DENND2B: variants seen among roughly 807,000 people sequenced by gnomAD.
DENND2B encodes DENN domain-containing protein 2B.
In DENND2B, 32 loss-of-function variants were observed where a neutral mutation model predicts 116.0. That is an observed-to-expected ratio of 0.28 (90% CI 0.21 to 0.37). The LOEUF is 0.37. DENND2B is among the 10% of genes least tolerant of loss of function. The pLI is 1.00. For missense variants in DENND2B, 1,276 were observed against 1,477.7 expected, an observed-to-expected ratio of 0.86 and a Z score of 2.24; for synonymous variants, 588 against 583.9, an observed-to-expected ratio of 1.01 and a Z score of -0.10.
intron 4 of DENND2B, chr11:8,718,332 T>C (rs1351602986): frequency 6.6e-7 from 1 of 1,524,782 alleles, no homozygotes; most frequent in East Asian, 2.4e-5. Flanking sequence ...TTCACCCAAC[T>C]CTCAGGGGAT....
At chr11:8,834,776 G>A (rs939506768) in intron 4 of DENND2B, among the ~76,000 whole-genome samples, 1 of 152,128 alleles carries the variant, frequency 6.6e-6, no homozygotes, top group African/African-American at 2.4e-5. Flanking sequence ...TCAGGCAGTC[G>A]CCCTTTATAG....
At chr11:8,711,997 G>A (rs1428851291) in intron 9 of DENND2B, 2 of 455,774 alleles carry the variant, frequency 4.4e-6, no homozygotes, top group African/African-American at 4.0e-5. Flanking sequence ...GAAATGAGAA[G>A]GAGCCAGCAG....
chr11:8,693,850 G>A lies in DENND2B; in HGVS notation c.*246C>T, dbSNP rs2039838544. On this transcript the variant is annotated 3_prime_UTR_variant, in exon 20 of 20. Transcript: ENST00000313726. ...CTCTGGCAGGACAGGAAAGCACCCG[G>A]CCCCTTGGGAATATACAAATATTTG... is the stretch of plus-strand genomic sequence containing the variant. 1 of 424,360 alleles carries A rather than the reference G, an allele frequency of 2.4e-6. No homozygotes were observed. Among genetic ancestry groups the A allele is most frequent in the South Asian group, 3.8e-5 (1 of 26,032 alleles). The allele number at this position is 424,360 out of a possible 1,614,324, so 26.3% of individuals were successfully genotyped here.
chr11:8,882,660 A>C (rs554562734), intron 1 of DENND2B, among the ~76,000 whole-genome samples: 4 of 152,370 alleles, frequency 2.6e-5, no homozygotes, highest in African/African-American at 9.6e-5. Flanking sequence ...GTAAGTTTCA[A>C]AATGCATCTA....
At chr11:8,871,644 A>G (rs984211934), upstream of DENND2B, among the ~76,000 whole-genome samples, 2 of 152,216 alleles carry the variant, frequency 1.3e-5, no homozygotes, top group African/African-American at 4.8e-5. Context: ...GTACTGCAGC[A>G]GCAGCAGAAC....
chr11:8,801,232 T>C (rs1044223126), intron 1 of DENND2B, among the ~76,000 whole-genome samples: 2 of 151,954 alleles, frequency 1.3e-5, no homozygotes, highest in African/African-American at 4.8e-5. Context: ...TATAATTTCT[T>C]TACAAAAGCA....
At chr11:8,804,544 C>CTT (rs1555200406) in intron 1 of DENND2B, among the ~76,000 whole-genome samples, 1 of 25,340 alleles carries the variant, frequency 3.9e-5, no homozygotes. Flanking sequence ...ATAGCAGCTA[C>CTT]TTCTTTTTTT....
intron 1 of DENND2B, chr11:8,757,011 A>C (rs1255493575): frequency 4.4e-6 from 2 of 456,128 alleles, no homozygotes; most frequent in Admixed American, 2.4e-5. Flanking sequence ...CTATCTGAAG[A>C]GTAACAATCC....
chr11:8,712,689 G>A lies in DENND2B; in HGVS notation c.2034C>T (p.Ala678=). ...LVHIQSMLKR[A]PSYRTLELEL... ...CCAGCTCCAGCGTGCGATAGCTGGGGGCGCGCTTCAGCATCGACTGGATGT... is the reference window on the plus strand; with the variant it reads ...CCAGCTCCAGCGTGCGATAGCTGGGAGCGCGCTTCAGCATCGACTGGATGT... Residue 678 remains alanine, a synonymous_variant, in exon 9 of 20, where the codon GCC becomes GCT. Transcript: ENST00000313726. This position sits in a 1 kb window ranked among gnomAD's most constrained non-coding sequence, Gnocchi z 4.4. 1 of 1,611,988 alleles carries A rather than the reference G, an allele frequency of 6.2e-7. No homozygotes were observed. Among genetic ancestry groups the A allele is most frequent in the Non-Finnish European group, 8.5e-7 (1 of 1,179,350 alleles).
At position 8,828,355 on chromosome 11, in the gene DENND2B, G is replaced by A. The variant is rs567561197; in HGVS notation, c.-115+10955C>T. On this transcript the variant is annotated intron_variant, in intron 4 of 6. Transcript: ENST00000524757. ...AGGCTGCACCAAAATTCATTCAGGA[G>A]CCCAGCCCTGGGCAAAGCAAAGCCT... Among the ~76,000 whole-genome samples, 164 of 152,236 alleles carry A rather than the reference G, an allele frequency of 1.1e-3. 1 individual carries two copies. The highest frequency in any genetic ancestry group is 2.0e-3 in the Admixed American group (31 of 15,294).
intron 1 of DENND2B, chr11:8,776,558 T>C: frequency 3.7e-6 from 1 of 267,906 alleles, no homozygotes; most frequent in Admixed American, 4.9e-5. Flanking sequence ...CGCAGGCAGC[T>C]TGCTGTGCCA....
intron 1 of DENND2B, chr11:8,776,372 T>C: frequency 5.1e-6 from 2 of 395,388 alleles, no homozygotes; most frequent in Non-Finnish European, 1.0e-5. Context: ...TGAGAAGCCA[T>C]TCAATCCACA....
chr11:8,833,179 T>C (rs997754333), intron 4 of DENND2B, among the ~76,000 whole-genome samples: 6 of 152,118 alleles, frequency 3.9e-5, no homozygotes, highest in African/African-American at 9.7e-5. Context: ...GTCATAAGGC[T>C]TTTTTTAGTC....
At chr11:8,708,952 C>CAA (rs10569712) in intron 11 of DENND2B, among the ~76,000 whole-genome samples, 2 of 136,488 alleles carry the variant, frequency 1.5e-5, no homozygotes, top group Admixed American at 7.2e-5. Context: ...AACTCTGTCT[C>CAA]AAAAAAAAAA....
At chr11:8,888,127 GT>G (rs1440879351) in intron 1 of DENND2B, among the ~76,000 whole-genome samples, 1 of 152,178 alleles carries the variant, frequency 6.6e-6, no homozygotes, top group African/African-American at 2.4e-5. Context: ...TCTATTGAAG[GT>G]TTGTGACTTC....
At chr11:8,782,942 T>C (rs1565939577) in intron 1 of DENND2B, among the ~76,000 whole-genome samples, 1 of 151,820 alleles carries the variant, frequency 6.6e-6, no homozygotes, top group Non-Finnish European at 1.5e-5. Context: ...TTACATAGCT[T>C]TCGAACCAGT....
At chr11:8,890,900 G>C (rs2064023538) in intron 1 of DENND2B, among the ~76,000 whole-genome samples, 1 of 152,102 alleles carries the variant, frequency 6.6e-6, no homozygotes, top group South Asian at 2.1e-4. Flanking sequence ...ACACCACAAA[G>C]ATACTCCTCG....
At chr11:8,903,889 CAAA>C (rs61317026) in intron 1 of DENND2B, among the ~76,000 whole-genome samples, 8 of 75,346 alleles carry the variant, frequency 1.1e-4, no homozygotes, top group Admixed American at 1.6e-4. Context: ...GACCTTGTCT[CAAA>C]AAAAAAAAAA....
At chr11:8,808,795 A>G (rs993219089) in intron 1 of DENND2B, 1 of 152,162 alleles carries the variant, frequency 6.6e-6, no homozygotes, top group African/African-American at 2.4e-5. Flanking sequence ...TCTCACAGGT[A>G]AGAATCTGAA....
Sources: allele counts gnomAD v4.1 joint callset (sites outside exome capture counted in the v4.1 genomes callset), GRCh38; gene constraint gnomAD v4.1.1; non-coding constraint Gnocchi (gnomAD v3.1); transcripts MANE v1.5; gene names NCBI Gene and HGNC (gene_info 2026-07-23, HGNC 2026-07-21).